The following PCNX3 variants were observed in gnomAD, a reference collection of about 807,000 sequenced individuals.
PCNX3 encodes pecanex-like protein 3.
In PCNX3, 58 loss-of-function variants were observed where a neutral mutation model predicts 207.2. The ratio of observed to expected loss-of-function variants is 0.28; its 90% CI spans 0.23 to 0.35. PCNX3 has a LOEUF of 0.35. PCNX3 is among the 10% of genes least tolerant of loss of function. The pLI is 1.00. For missense variants in PCNX3, 2,410 were observed against 2,774.4 expected (o/e 0.87, Z 2.95); for synonymous variants, 1,337 against 1,183.5 (o/e 1.13, Z -2.66).
chr11:65,633,985 A>C, intron 27 of PCNX3, 141 bp from the exon 28 acceptor site: 3 of 784,940 alleles, frequency 3.8e-6, no homozygotes, highest in Non-Finnish European at 6.0e-6. Context: ...TGCTCTTGAG[A>C]GCTGAGATGG....
Position 65,623,651 on chromosome 11 carries a change from C to A in PCNX3, c.2511+7C>A. On this transcript the variant is annotated splice_region_variant and intron_variant, in intron 12 of 34. Coordinates refer to ENST00000355703, the MANE Select transcript of PCNX3 (RefSeq NM_032223.4). ...CCAGTACTCCTTGCTGAAGGTCAGG[C>A]CGGGCTCTCTGTGTTTCCTTCCCCA... The A allele has an allele frequency of 6.2e-7, 1 of 1,610,084 alleles. No homozygotes were observed. The highest frequency in any genetic ancestry group is 8.5e-7 in the Non-Finnish European group (1 of 1,178,046).
chr11:65,626,762 C>T lies in PCNX3; in HGVS notation c.3380-142C>T, dbSNP rs992674502. On this transcript the variant is annotated intron_variant, in intron 20 of 34. Coordinates refer to ENST00000355703, the MANE Select transcript of PCNX3 (RefSeq NM_032223.4). ...TTGCCCTGCTGGGGCTCGCTGCTCC[C>T]ATTTGAGCTGCCACAGATCAGCCCC... 501 of 1,250,688 alleles carry T rather than the reference C, an allele frequency of 4.0e-4. 1 individual carries two copies. The highest frequency in any genetic ancestry group is 1.5e-3 in the Admixed American group (62 of 41,090). 77.5% of individuals were successfully genotyped at this position (1,250,688 alleles called of 1,614,324 possible). A position where few individuals can be genotyped will look rare whatever the true frequency, so the allele number is the denominator to read the frequency against.
Position 65,624,351 on chromosome 11 carries a change from C to T in PCNX3, c.2701C>T (p.Arg901Ter). Residue 901 changes from arginine (R) to a stop codon, truncating the protein, a stop_gained, in exon 14 of 35, where the codon CGA (arginine) becomes TGA (stop). Transcript: ENST00000355703. LOFTEE classifies it high-confidence loss of function. Reference sequence around the variant, plus strand: ...CTCTGCCTCCTTCTTCTTCTGTGCCCGAGACGTGGCCACTGGTGAGGCTGG... The same window carrying T: ...CTCTGCCTCCTTCTTCTTCTGTGCCTGAGACGTGGCCACTGGTGAGGCTGG... ...LFSASFFFCARDVATVFTLCF... is the reference protein window; with the variant it reads ...LFSASFFFCA 1.9e-6 allele frequency: 3 copies of T among 1,555,324 alleles called. No homozygotes were observed. Among genetic ancestry groups the T allele is most frequent in the Non-Finnish European group, 8.7e-7 (1 of 1,149,036 alleles).
rs1303030273 is a variant in PCNX3 at position 65,625,125 on chromosome 11, C to T, written c.2920-46C>T. ...TTCTCACACGGGGGCAGCCCGGGCC[C>T]CATGCTTACCTCACCTCCCCTGACC... On this transcript the variant is annotated intron_variant, in intron 16 of 34. Coordinates refer to ENST00000355703, the MANE Select transcript of PCNX3 (RefSeq NM_032223.4). The surrounding 1 kb of genome is among the most constrained non-coding windows in gnomAD (Gnocchi z 5.6). 4 of 1,562,196 alleles carry T rather than the reference C, an allele frequency of 2.6e-6. No individual in the cohort carries two copies. Among genetic ancestry groups the T allele is most frequent in the Admixed American group, 1.7e-5 (1 of 57,336 alleles).
In PCNX3 at chr11:65,626,062, C is replaced by T; in HGVS notation, c.3379+8C>T. ...GCCAGTATGAAGTGCGCGGTGAGTG[C>T]CCACCCCTGATGGCCAGGCCTGGGC... On this transcript the variant is annotated splice_region_variant and intron_variant, in intron 20 of 34. Transcript: ENST00000355703. 4 of 1,593,972 alleles carry T rather than the reference C, an allele frequency of 2.5e-6. No individual in the cohort carries two copies. Among genetic ancestry groups the T allele is most frequent in the Non-Finnish European group, 2.6e-6 (3 of 1,171,482 alleles).
chr11:65,628,561 A>C lies in PCNX3; in HGVS notation c.3703-34A>C, dbSNP rs1002890105. The C allele has an allele frequency of 1.4e-5, 23 of 1,595,984 alleles. No homozygotes were observed. The East Asian group carries it at 5.1e-4, about 36-fold the overall frequency. On this transcript the variant is annotated intron_variant, in intron 22 of 34. Transcript: ENST00000355703. Reference sequence around the variant, plus strand: ...CGGGGGCTTCCATGAGTGACCCTGCATGTCTTTTTTCTTCTCCCTGTTGGC... The same window carrying C: ...CGGGGGCTTCCATGAGTGACCCTGCCTGTCTTTTTTCTTCTCCCTGTTGGC...
Position 65,625,606 on chromosome 11 carries a change from GTGTCTCTCCTGGCCGGGCAGCTGAA to G in PCNX3, c.3136-31_3136-7del, listed in dbSNP as rs529678874. 1.9e-3 allele frequency: 3,043 copies of G among 1,602,160 alleles called. 9 individuals are homozygous for G. The highest frequency in any genetic ancestry group is 2.2e-3 in the Non-Finnish European group (2,601 of 1,174,298). On this transcript the variant is annotated intron_variant, in intron 18 of 34. Coordinates refer to ENST00000355703, the MANE Select transcript of PCNX3 (RefSeq NM_032223.4). This position sits in a 1 kb window ranked among gnomAD's most constrained non-coding sequence, Gnocchi z 5.6. ...CCAGCTTGGGCTGCTGGGCAGCTGA[GTGTCTCTCCTGGCCGGGCAGCTGAA>G]TGTCTCTCCTGGCCCTGCAGCGTGA...
Position 65,625,539 on chromosome 11 carries a change from G to C in PCNX3, c.3135+29G>C, listed in dbSNP as rs1387444282. ...AGGGGGCGGGGGGTGGGGGTCTGTG[G>C]GGAGGTGGTGACAGGTCCTGGGGTT... On this transcript the variant is annotated intron_variant, in intron 18 of 34. Coordinates refer to ENST00000355703, the MANE Select transcript of PCNX3 (RefSeq NM_032223.4). This position sits in a 1 kb window ranked among gnomAD's most constrained non-coding sequence, Gnocchi z 5.6. The C allele has an allele frequency of 6.3e-7, 1 of 1,575,800 alleles. No homozygotes were observed.
intron 12 of PCNX3, 118 bp from the exon 13 acceptor site, chr11:65,623,811 T>G: frequency 6.5e-7 from 1 of 1,545,696 alleles, no homozygotes; most frequent in East Asian, 2.3e-5. Flanking sequence ...CTCAGGACAG[T>G]TCGGGGGCCT....
chr11:65,620,170 G>A (rs554504959), intron 8 of PCNX3, among the ~76,000 whole-genome samples, 169 bp from the exon 9 acceptor site: 22 of 152,292 alleles, frequency 1.4e-4, no homozygotes, highest in Admixed American at 3.9e-4. Context: ...GGTGACTGCC[G>A]CGCCCAGGCT....
chr11:65,623,687 C>G, intron 12 of PCNX3, 43 bp downstream of exon 12: 4 of 1,595,098 alleles, frequency 2.5e-6, no homozygotes, highest in Non-Finnish European at 3.4e-6. Context: ...CCCGACTTTT[C>G]CCAAGATTGC....
chr11:65,627,644 C>A, intron 22 of PCNX3, 62 bp downstream of exon 22: 1 of 1,566,168 alleles, frequency 6.4e-7, no homozygotes, highest in East Asian at 2.2e-5. Context: ...CAACTTCTGC[C>A]TGGGTGGGAA....
At position 65,620,836 on chromosome 11, in the gene PCNX3, G is replaced by A. The variant is rs866016735; in HGVS notation, c.2105G>A (p.Arg702Gln). The change falls in exon 10 of 35, where the codon CGA (arginine) becomes CAA (glutamine). Residue 702 changes from arginine to glutamine, a missense_variant. Coordinates refer to ENST00000355703, the MANE Select transcript of PCNX3 (RefSeq NM_032223.4). ...GEQTANGAWD[R>Q]HSHSSSFHSA... ...GATGGCTGCTGTTCTCACAGGGACC[G>A]ACACTCGCATTCCTCCAGCTTCCAC... 33 of 1,595,770 alleles carry A rather than the reference G, an allele frequency of 2.1e-5. No individual in the cohort carries two copies. In the East Asian group the frequency reaches 2.8e-4, roughly 13 times the overall value.
At position 65,629,546 on chromosome 11, in the gene PCNX3, A is replaced by G; in HGVS notation, c.4027A>G (p.Ile1343Val). ...PGADDNNLNS[I>V]FYEHLTRSLQ... ...CGCTGATGACAACAACCTCAACTCC[A>G]TCTTCTATGAGCACTTGACACGTTC... Residue 1343 changes from isoleucine (I) to valine (V), a missense_variant, in exon 26 of 35, where the codon ATC becomes GTC. Physicochemically the swap from Ile to Val is conservative, Grantham distance 29 (BLOSUM62 3). Transcript: ENST00000355703. The G allele has an allele frequency of 6.2e-7, 1 of 1,613,654 alleles. No homozygotes were observed. Among genetic ancestry groups the G allele is most frequent in the Non-Finnish European group, 8.5e-7 (1 of 1,179,836 alleles).
At position 65,635,317 on chromosome 11, in the gene PCNX3, C is replaced by G. The variant is rs1221950477; in HGVS notation, c.5053C>G (p.Pro1685Ala). Residue 1685 changes from proline (P) to alanine (A), a missense_variant, in exon 31 of 35, where the codon CCA (proline) becomes GCA (alanine). Physicochemically the swap from Pro to Ala is conservative, Grantham distance 27. This residue lies in a region of PCNX3 where 420 missense variants were observed against 705.3 expected (regional missense o/e 0.60). Transcript: ENST00000355703. The surrounding 1 kb of genome is among the most constrained non-coding windows in gnomAD (Gnocchi z 9.9). ...ERLVISHEGDPAWRSAILSNT... is the reference protein window; with the variant it reads ...ERLVISHEGDAAWRSAILSNT... ...GCTGGTCATCTCACATGAGGGTGAC[C>G]CAGCATGGCGCAGCGCCATCCTCAG... 1 of 1,601,342 alleles carries G rather than the reference C, an allele frequency of 6.2e-7. No homozygotes were observed.
chr11:65,620,953 T>A lies in PCNX3; in HGVS notation c.2222T>A (p.Leu741Gln). ...GGCATGCAGGTGCGCCGGGTGCCCCTGGAGATCCCGGAGGTGAGGAGCAGC... is the reference window on the plus strand; with the variant it reads ...GGCATGCAGGTGCGCCGGGTGCCCCAGGAGATCCCGGAGGTGAGGAGCAGC... ...LQGMQVRRVP[L>Q]EIPEEQTLME... is the part of the protein sequence containing the mutation. The change falls in exon 10 of 35, where the codon CTG (leucine) becomes CAG (glutamine). Residue 741 changes from leucine (L) to glutamine (Q), a missense_variant. By Grantham distance (113) the Leu-to-Gln change is moderately radical. Coordinates refer to ENST00000355703, the MANE Select transcript of PCNX3 (RefSeq NM_032223.4). The A allele has an allele frequency of 6.5e-7, 1 of 1,546,122 alleles. No homozygotes were observed. The highest frequency in any genetic ancestry group is 8.7e-7 in the Non-Finnish European group (1 of 1,144,716).
Position 65,635,753 on chromosome 11 carries a change from C to T in PCNX3, c.5409C>T (p.Gly1803=). ...CCCAGCTACGGGCACTGTGGGGTGG[C>T]CCCATCAGCCTGGGTGCCATTGCCC... The part of the protein sequence containing the change: ...SHPQLRALWG[G]PISLGAIAHW... The change falls in exon 32 of 35, where the codon GGC becomes GGT. Residue 1803 remains glycine, a synonymous_variant. Coordinates refer to ENST00000355703, the MANE Select transcript of PCNX3 (RefSeq NM_032223.4). The surrounding 1 kb of genome is among the most constrained non-coding windows in gnomAD (Gnocchi z 9.9). 3 of 1,602,650 alleles carry T rather than the reference C, an allele frequency of 1.9e-6. No homozygotes were observed. Among genetic ancestry groups the T allele is most frequent in the Admixed American group, 3.4e-5 (2 of 58,158 alleles).
At chr11:65,617,874 C>T (rs1416287637) in intron 5 of PCNX3, 66 bp from the exon 6 acceptor site, 2 of 1,485,268 alleles carry the variant, frequency 1.3e-6, no homozygotes, top group African/African-American at 1.4e-5. Flanking sequence ...ATAAGACCTC[C>T]CTTAACCACT....
chr11:65,619,580 G>A lies in PCNX3; in HGVS notation c.1749G>A (p.Arg583=), dbSNP rs1278394792. 6.2e-7 allele frequency: 1 copy of A among 1,609,048 alleles called. No homozygotes were observed. The highest frequency in any genetic ancestry group is 2.2e-5 in the East Asian group (1 of 44,808). The change falls in exon 7 of 35, where the codon AGG becomes AGA. Residue 583 remains arginine, a synonymous_variant. Coordinates refer to ENST00000355703, the MANE Select transcript of PCNX3 (RefSeq NM_032223.4). ...TGRRDRSSSV[R]RTQAIRRRHN... Reference sequence around the variant, plus strand: ...GGCGGGACCGCTCAAGCAGTGTGAGGCGGACCCAGGCCATTCGGAGACGCC... The same window carrying A: ...GGCGGGACCGCTCAAGCAGTGTGAGACGGACCCAGGCCATTCGGAGACGCC...
Sources: allele counts gnomAD v4.1 joint callset (sites outside exome capture counted in the v4.1 genomes callset), GRCh38; gene constraint gnomAD v4.1.1; regional missense constraint gnomAD v4.1.1; non-coding constraint Gnocchi (gnomAD v3.1); transcripts MANE v1.5; gene names NCBI Gene and HGNC (gene_info 2026-07-23, HGNC 2026-07-21).